LHX6: variants seen among roughly 807,000 people sequenced by gnomAD.
LHX6 encodes LIM/homeobox protein Lhx6.
In LHX6, 15 loss-of-function variants were observed where a neutral mutation model predicts 47.1. The ratio of observed to expected loss-of-function variants is 0.32; its 90% CI spans 0.21 to 0.49. The LOEUF is 0.49. LHX6 is among the 20% of genes least tolerant of loss of function. The pLI, the probability that LHX6 is intolerant of heterozygous loss-of-function variation, is 0.99. For synonymous variants in LHX6, 242 were observed against 233.5 expected (o/e 1.04, Z -0.33); for missense variants, 404 against 539.6 (o/e 0.75, Z 2.49).
At position 122,213,849 on chromosome 9, in the gene LHX6, GCGGGA is replaced by G. The variant is rs1830484040; in HGVS notation, c.880-74_880-70del. On this transcript the variant is annotated intron_variant, in intron 7 of 9. Transcript: ENST00000394319. This position sits in a 1 kb window ranked among gnomAD's most constrained non-coding sequence, Gnocchi z 5.5. ...CGGACGCGCCGCCGGGAGACCCCAGGCGGGACTGCCTCGTCGCCTCCTGGAGAAGG... is the reference window on the plus strand; with the variant it reads ...CGGACGCGCCGCCGGGAGACCCCAGGCTGCCTCGTCGCCTCCTGGAGAAGG... The G allele has an allele frequency of 1.3e-6, 2 of 1,534,350 alleles. No homozygotes were observed. The highest frequency in any genetic ancestry group is 3.9e-5 in the Admixed American group (2 of 51,146).
intron 4 of LHX6, among the ~76,000 whole-genome samples, chr9:122,223,917 A>G (rs1830980451): frequency 6.6e-6 from 1 of 152,182 alleles, no homozygotes. Flanking sequence ...GCCTTAGTCT[A>G]TGGGAGAGAC....
At chr9:122,228,365 A>G (rs1285073334) in intron 1 of LHX6, 8 of 1,529,262 alleles carry the variant, frequency 5.2e-6, no homozygotes, top group Non-Finnish European at 7.0e-6. Flanking sequence ...CATCGGCGCT[A>G]TCAGCGCCTA....
intron 1 of LHX6, chr9:122,228,094 C>A (rs1200676402): frequency 1.7e-6 from 1 of 603,896 alleles, no homozygotes; most frequent in Non-Finnish European, 2.9e-6. Context: ...AAACCCCGAG[C>A]GCGGTGAGCA....
intron 5 of LHX6, among the ~76,000 whole-genome samples, chr9:122,216,489 G>T (rs1564439101): frequency 6.6e-6 from 1 of 152,218 alleles, no homozygotes. Flanking sequence ...AACCTCATAT[G>T]TCAACACAGT....
At position 122,217,328 on chromosome 9, in the gene LHX6, G is replaced by A. The variant is rs773696185; in HGVS notation, c.462-40C>T. 4.5e-6 allele frequency: 7 copies of A among 1,542,896 alleles called. No homozygotes were observed. In the East Asian group the frequency reaches 6.9e-5, roughly 15 times the overall value. On this transcript the variant is annotated intron_variant, in intron 4 of 9. Coordinates refer to ENST00000394319, the MANE Select transcript of LHX6 (RefSeq NM_014368.5). The surrounding 1 kb of genome is among the most constrained non-coding windows in gnomAD (Gnocchi z 4.9). Reference sequence around the variant, plus strand: ...GACAGGCACGGGGTGTCGAGACTCAGACAGGCCAACCTTCCTCCTTCCACC... The same window carrying A: ...GACAGGCACGGGGTGTCGAGACTCAAACAGGCCAACCTTCCTCCTTCCACC...
At chr9:122,222,446 AG>A (rs1474642620) in intron 4 of LHX6, among the ~76,000 whole-genome samples, 1 of 152,094 alleles carries the variant, frequency 6.6e-6, no homozygotes, top group East Asian at 1.9e-4. Context: ...TCAGGGAGTA[AG>A]GGGAGGTAGA....
chr9:122,221,843 T>C, intron 4 of LHX6: 1 of 390,622 alleles, frequency 2.6e-6, no homozygotes, highest in South Asian at 1.1e-4. Context: ...ATCTCACCTA[T>C]AGAAGAGTAT....
At chr9:122,220,705 C>T (rs568658993) in intron 4 of LHX6, among the ~76,000 whole-genome samples, 1 of 152,298 alleles carries the variant, frequency 6.6e-6, no homozygotes, top group East Asian at 1.9e-4. Context: ...AAAGGATGCG[C>T]GGCGCTTTGG....
At chr9:122,206,030 C>T (rs1830164332) in intron 9 of LHX6, among the ~76,000 whole-genome samples, 2 of 152,300 alleles carry the variant, frequency 1.3e-5, no homozygotes, top group South Asian at 4.1e-4. Context: ...AGAGTGGCGA[C>T]CCTGGTAGGA....
Position 122,228,776 on chromosome 9 carries a change from G to C in LHX6, c.-36C>G. ...ACCTCGGGCTCAGCGGGCGCGCAGC[G>C]CGGAGAGCTGCGCCGAGGGGGACCA... On this transcript the variant is annotated 5_prime_UTR_variant, in exon 1 of 10. Coordinates refer to ENST00000394319, the MANE Select transcript of LHX6 (RefSeq NM_014368.5). 3 of 1,214,968 alleles carry C rather than the reference G, an allele frequency of 2.5e-6. No homozygotes were observed. Among genetic ancestry groups the C allele is most frequent in the Non-Finnish European group, 3.1e-6 (3 of 969,374 alleles). The allele number at this position is 1,214,968 out of a possible 1,614,324, so 75.3% of individuals were successfully genotyped here. A position where few individuals can be genotyped will look rare whatever the true frequency, so the allele number is the denominator to read the frequency against.
chr9:122,226,744 G>A lies in LHX6; in HGVS notation c.339+104C>T, dbSNP rs900859938. 7.3e-7 allele frequency: 1 copy of A among 1,360,814 alleles called. No homozygotes were observed. Among genetic ancestry groups the A allele is most frequent in the African/African-American group, 1.5e-5 (1 of 68,900 alleles). The allele number at this position is 1,360,814 out of a possible 1,614,324, so 84.3% of individuals were successfully genotyped here. Reference sequence around the variant, plus strand: ...AAAGCTTCGCAGTCGGGCAGCAGTGGAGCCAGGATTTGGAAGTAAGAGGAC... The same window carrying A: ...AAAGCTTCGCAGTCGGGCAGCAGTGAAGCCAGGATTTGGAAGTAAGAGGAC... On this transcript the variant is annotated intron_variant, in intron 3 of 9. Coordinates refer to ENST00000394319, the MANE Select transcript of LHX6 (RefSeq NM_014368.5). The surrounding 1 kb of genome is among the most constrained non-coding windows in gnomAD (Gnocchi z 6.5).
In LHX6 at chr9:122,214,574, G is replaced by A. The variant is rs1014872294; in HGVS notation, c.683-191C>T. 4 of 359,016 alleles carry A rather than the reference G, an allele frequency of 1.1e-5. No homozygotes were observed. Among genetic ancestry groups the A allele is most frequent in the South Asian group, 1.1e-4 (1 of 8,952 alleles). 22.2% of individuals were successfully genotyped at this position (359,016 alleles called of 1,614,324 possible). On this transcript the variant is annotated intron_variant, in intron 5 of 9. Transcript: ENST00000394319. The surrounding 1 kb of genome is among the most constrained non-coding windows in gnomAD (Gnocchi z 4.6). ...GTTTCTGAGCGTCCGCTTAGTACTG[G>A]ACACTTCTTACACGACTGGACCACG...
intron 4 of LHX6, among the ~76,000 whole-genome samples, chr9:122,222,324 T>G (rs1830897327): frequency 6.6e-6 from 1 of 152,236 alleles, no homozygotes; most frequent in South Asian, 2.1e-4. Flanking sequence ...CTCCAGAATT[T>G]TCTTCCATTT....
In LHX6 at chr9:122,209,726, G is replaced by A. The variant is rs745631928; in HGVS notation, c.1055-9C>T. On this transcript the variant is annotated splice_polypyrimidine_tract_variant and intron_variant, in intron 8 of 9. Transcript: ENST00000394319. ...CCCGCACTGTACCTGACCTGTGGACGAGAGGATGCCTTGGAGCTCATCCCC... is the reference window on the plus strand; with the variant it reads ...CCCGCACTGTACCTGACCTGTGGACAAGAGGATGCCTTGGAGCTCATCCCC... 3.4e-5 allele frequency: 28 copies of A among 815,006 alleles called. No homozygotes were observed. The highest frequency in any genetic ancestry group is 2.4e-4 in the Admixed American group (14 of 58,828). 50.5% of individuals were successfully genotyped at this position (815,006 alleles called of 1,614,324 possible). A position where few individuals can be genotyped will look rare whatever the true frequency, so the allele number is the denominator to read the frequency against.
At chr9:122,206,942 C>T (rs2118822341) in intron 9 of LHX6, among the ~76,000 whole-genome samples, 1 of 152,292 alleles carries the variant, frequency 6.6e-6, no homozygotes, top group South Asian at 2.1e-4. Flanking sequence ...TGTCCCCTGT[C>T]TCTCCCCTAG....
intron 2 of LHX6, 174 bp from the exon 3 acceptor site, chr9:122,227,204 C>T (rs1253688171): frequency 5.2e-6 from 4 of 767,710 alleles, no homozygotes; most frequent in African/African-American, 3.7e-5. Context: ...AAGGGACGGC[C>T]CCAACTTTTA....
At chr9:122,216,732 C>T (rs956212191) in intron 5 of LHX6, among the ~76,000 whole-genome samples, 2 of 152,124 alleles carry the variant, frequency 1.3e-5, no homozygotes. Flanking sequence ...GAGTAGGCTG[C>T]CCGATTATGA....
chr9:122,210,586 G>A (rs1331810562), intron 8 of LHX6, among the ~76,000 whole-genome samples: 3 of 152,158 alleles, frequency 2.0e-5, no homozygotes, highest in Non-Finnish European at 4.4e-5. Context: ...GTTTGAGACA[G>A]GGTCTCACTC....
rs964529497 is a variant in LHX6 at position 122,228,899 on chromosome 9, C to T, written c.-159G>A. On this transcript the variant is annotated 5_prime_UTR_variant, in exon 1 of 10. Transcript: ENST00000394319. ...CCGGCCTCAGCCCCCGCCCCCGGCC[C>T]GCGCGCAGCCCCGGCCTCCCTGGCT... is the stretch of plus-strand genomic sequence containing the variant. 13 of 308,022 alleles carry T rather than the reference C, an allele frequency of 4.2e-5. No homozygotes were observed. The highest frequency in any genetic ancestry group is 6.9e-5 in the Non-Finnish European group (13 of 189,218). The allele number at this position is 308,022 out of a possible 1,614,324, so 19.1% of individuals were successfully genotyped here.
Sources: gnomAD v4.1 joint callset for allele counts (sites outside exome capture counted in the v4.1 genomes callset) on GRCh38, gnomAD v4.1.1 for gene constraint, Gnocchi (gnomAD v3.1) non-coding constraint, MANE v1.5 for transcripts, NCBI Gene and HGNC (gene_info 2026-07-23, HGNC 2026-07-21) for gene names.